The following NAA11 variants were observed in gnomAD, a reference collection of about 807,000 sequenced individuals.
NAA11 encodes N-alpha-acetyltransferase 11, NatA catalytic subunit, also known as N-alpha-acetyltransferase 11.
Under a neutral mutation model 16.1 loss-of-function variants are expected in NAA11, and 15 were observed. The observed-to-expected ratio is 0.93, with a 90% CI of 0.62 to 1.44. NAA11 has a LOEUF of 1.44. Ranked by LOEUF, NAA11 falls within the 40% of genes most tolerant of loss-of-function variation. The pLI is 0.00. For synonymous variants in NAA11, 122 were observed against 112.4 expected (o/e 1.09, Z -0.54); for missense variants, 298 against 291.3 (o/e 1.02, Z -0.17).
the NAA11 span, among the ~76,000 whole-genome samples, chr4:79,206,828 G>A: frequency 1.3e-5 from 2 of 152,050 alleles, no homozygotes; most frequent in Non-Finnish European, 2.9e-5. Context: ...GCTAGCAAGT[G>A]TACCCTTTCT....
At chr4:79,260,586 G>T (rs769704331) in intron 2 of NAA11, among the ~76,000 whole-genome samples, 8 of 152,178 alleles carry the variant, frequency 5.3e-5, no homozygotes, top group Non-Finnish European at 1.0e-4. Flanking sequence ...CAGGATTGTA[G>T]CCAGCTGATT....
At chr4:79,271,238 GACAA>G (rs1479544786) in intron 2 of NAA11, among the ~76,000 whole-genome samples, 7 of 117,946 alleles carry the variant, frequency 5.9e-5, no homozygotes, top group Non-Finnish European at 1.1e-4. Context: ...ACCAACAACA[GACAA>G]ACAGAGAGCC....
At chr4:79,166,633 G>C in the NAA11 span, among the ~76,000 whole-genome samples, 12 of 144,126 alleles carry the variant, frequency 8.3e-5, no homozygotes, top group Admixed American at 5.4e-4. Context: ...ACTTTGGGAG[G>C]CTGAGGCGGG....
the NAA11 span, among the ~76,000 whole-genome samples, chr4:79,220,123 C>T: frequency 6.6e-6 from 1 of 152,212 alleles, no homozygotes; most frequent in Non-Finnish European, 1.5e-5. Context: ...GACGGAGTCT[C>T]ATTCTATCAC....
At chr4:79,305,965 G>A (rs2110006742) in intron 1 of NAA11, among the ~76,000 whole-genome samples, 1 of 152,232 alleles carries the variant, frequency 6.6e-6, no homozygotes, top group East Asian at 1.9e-4. Context: ...ATGTTTCCCT[G>A]AGGAATATGC....
intron 1 of NAA11, among the ~76,000 whole-genome samples, chr4:79,321,464 G>C (rs1056921483): frequency 2.0e-5 from 3 of 152,140 alleles, no homozygotes; most frequent in Non-Finnish European, 4.4e-5. Context: ...CCAGTTGAAG[G>C]TCTTATGATC....
the NAA11 span, among the ~76,000 whole-genome samples, chr4:79,175,095 T>C: frequency 6.6e-6 from 1 of 152,118 alleles, no homozygotes; most frequent in Admixed American, 6.6e-5. Context: ...CATTTCTGAA[T>C]GCAAACTGTG....
At chr4:79,196,441 G>C in the NAA11 span, among the ~76,000 whole-genome samples, 1 of 151,936 alleles carries the variant, frequency 6.6e-6, no homozygotes, top group Non-Finnish European at 1.5e-5. Context: ...TATATTCACA[G>C]AATCAAGGGA....
At chr4:79,211,224 T>G in the NAA11 span, among the ~76,000 whole-genome samples, 6 of 152,166 alleles carry the variant, frequency 3.9e-5, no homozygotes, top group African/African-American at 1.4e-4. Context: ...TATAAAACGC[T>G]AGATATTTTC....
the NAA11 span, among the ~76,000 whole-genome samples, chr4:79,210,942 C>G: frequency 2.0e-5 from 3 of 152,088 alleles, no homozygotes; most frequent in Admixed American, 2.0e-4. Context: ...AAGTGGATGC[C>G]TGGGTCTTTT....
At chr4:79,191,135 G>A in the NAA11 span, among the ~76,000 whole-genome samples, 1 of 152,030 alleles carries the variant, frequency 6.6e-6, no homozygotes, top group African/African-American at 2.4e-5. Context: ...GTGAACGTTC[G>A]CGTGCATGTG....
intron 1 of NAA11, among the ~76,000 whole-genome samples, chr4:79,320,430 T>A (rs180674723): frequency 6.6e-6 from 1 of 152,238 alleles, no homozygotes; most frequent in Non-Finnish European, 1.5e-5. Flanking sequence ...CTTAGCAATT[T>A]ACATAGATTG....
chr4:79,177,481 C>T, the NAA11 span, among the ~76,000 whole-genome samples: 1 of 151,840 alleles, frequency 6.6e-6, no homozygotes, highest in Admixed American at 6.6e-5. Flanking sequence ...AAAAAATGTC[C>T]TTTCATGCAT....
chr4:79,204,956 C>CACACACA, the NAA11 span, among the ~76,000 whole-genome samples: 2 of 151,288 alleles, frequency 1.3e-5, no homozygotes, highest in Non-Finnish European at 3.0e-5. Flanking sequence ...CACACACACA[C>CACACACA]ATTATTCCAT....
chr4:79,181,089 G>C, the NAA11 span, among the ~76,000 whole-genome samples: 1 of 152,086 alleles, frequency 6.6e-6, no homozygotes, highest in Non-Finnish European at 1.5e-5. Context: ...GTAGGGTGGA[G>C]GGAGGGGGAG....
At chr4:79,160,373 A>G in the NAA11 span, among the ~76,000 whole-genome samples, 3 of 152,154 alleles carry the variant, frequency 2.0e-5, no homozygotes, top group African/African-American at 7.2e-5. Flanking sequence ...ATTGTTTTCA[A>G]TTCTTTTGAT....
intron 2 of NAA11, among the ~76,000 whole-genome samples, chr4:79,279,876 T>G (rs545261642): frequency 6.6e-6 from 1 of 152,148 alleles, no homozygotes; most frequent in Non-Finnish European, 1.5e-5. Context: ...CTGGTGCTAC[T>G]GGGGAAATGG....
chr4:79,209,636 T>A, the NAA11 span, among the ~76,000 whole-genome samples: 1 of 150,784 alleles, frequency 6.6e-6, no homozygotes, highest in African/African-American at 2.5e-5. Context: ...AAAAAAAGGA[T>A]TTTTTTTTAC....
At chr4:79,303,938 AAT>A (rs1419212025) in intron 1 of NAA11, among the ~76,000 whole-genome samples, 2 of 152,124 alleles carry the variant, frequency 1.3e-5, no homozygotes, top group African/African-American at 4.8e-5. Context: ...TTTTGTTTTT[AAT>A]ATATGATTGT....
Sources: allele counts gnomAD v4.1 joint callset (sites outside exome capture counted in the v4.1 genomes callset), GRCh38; gene constraint gnomAD v4.1.1; transcripts MANE v1.5; gene names NCBI Gene and HGNC (gene_info 2026-07-23, HGNC 2026-07-21).